ADGRL3: variants seen among roughly 807,000 people sequenced by gnomAD.
ADGRL3 encodes the protein adhesion G protein-coupled receptor L3, also known as calcium-independent alpha-latrotoxin receptor 3.
A neutral mutation model predicts 153.5 loss-of-function variants in ADGRL3; 62 were observed. The ratio of observed to expected loss-of-function variants is 0.40; its 90% CI spans 0.33 to 0.50. The LOEUF is 0.50. Among genes scored for constraint, ADGRL3 ranks in the 20% least tolerant of loss-of-function variants. ADGRL3 has a pLI of 0.47. For missense variants in ADGRL3, 1,641 were observed against 1,859.4 expected, an observed-to-expected ratio of 0.88 and a Z score of 2.16; for synonymous variants, 710 against 672.5, an observed-to-expected ratio of 1.06 and a Z score of -0.86.
intron 6 of ADGRL3, among the ~76,000 whole-genome samples, chr4:61,685,968 C>A (rs1010700604): frequency 1.3e-5 from 2 of 151,786 alleles, no homozygotes; most frequent in Non-Finnish European, 2.9e-5. Flanking sequence ...CACTTAGATA[C>A]TAATTAGTAA....
chr4:61,656,099 G>C (rs528794298), intron 5 of ADGRL3, among the ~76,000 whole-genome samples: 19 of 152,226 alleles, frequency 1.2e-4, no homozygotes, highest in African/African-American at 4.1e-4. Context: ...TGCTTACTTT[G>C]TTGCCAAAAG....
chr4:61,986,161 C>T (rs2099084940), intron 19 of ADGRL3, among the ~76,000 whole-genome samples: 1 of 152,046 alleles, frequency 6.6e-6, no homozygotes, highest in Admixed American at 6.6e-5. Flanking sequence ...GCAGTCATTT[C>T]ACCTAGATCA....
intron 5 of ADGRL3, among the ~76,000 whole-genome samples, chr4:61,635,627 A>G (rs1034188344): frequency 1.3e-5 from 2 of 152,102 alleles, no homozygotes; most frequent in East Asian, 3.9e-4. Flanking sequence ...TGGTGAACTG[A>G]ATTTACTTAA....
intron 7 of ADGRL3, among the ~76,000 whole-genome samples, chr4:61,730,876 A>C (rs1057059790): frequency 6.6e-6 from 1 of 151,822 alleles, no homozygotes; most frequent in Non-Finnish European, 1.5e-5. Flanking sequence ...TTTATTTTTG[A>C]GTAGTTAGAA....
At chr4:61,577,287 G>C (rs2098892632) in intron 4 of ADGRL3, among the ~76,000 whole-genome samples, 1 of 151,732 alleles carries the variant, frequency 6.6e-6, no homozygotes, top group South Asian at 2.1e-4. Context: ...AGCATGTATA[G>C]TGCAGTGAGG....
intron 1 of ADGRL3, among the ~76,000 whole-genome samples, chr4:61,245,434 T>C (rs1756673484): frequency 6.6e-6 from 1 of 152,102 alleles, no homozygotes; most frequent in Admixed American, 6.6e-5. Context: ...TATGAAGCTT[T>C]ATAGTCTGCC....
intron 5 of ADGRL3, among the ~76,000 whole-genome samples, chr4:61,607,019 G>C (rs2149611450): frequency 1.3e-5 from 2 of 152,266 alleles, no homozygotes; most frequent in Middle Eastern, 6.8e-3. Context: ...AGTAAAGAAA[G>C]AGTTAAATTA....
chr4:61,542,739 T>G, intron 4 of ADGRL3, among the ~76,000 whole-genome samples: 1 of 152,288 alleles, frequency 6.6e-6, no homozygotes, highest in East Asian at 1.9e-4. Context: ...AGAAAGAGAT[T>G]TTTGCATAAC....
At chr4:62,009,386 C>G (rs1430390939) in intron 21 of ADGRL3, among the ~76,000 whole-genome samples, 1 of 151,772 alleles carries the variant, frequency 6.6e-6, no homozygotes, top group Non-Finnish European at 1.5e-5. Context: ...ATTTAACTAT[C>G]TTTCTAAAAA....
At chr4:61,818,178 A>G (rs920061376) in intron 9 of ADGRL3, among the ~76,000 whole-genome samples, 1 of 152,186 alleles carries the variant, frequency 6.6e-6, no homozygotes, top group South Asian at 2.1e-4. Context: ...ACTAGATATA[A>G]TGGGGGTAGA....
chr4:61,633,223 G>A lies in ADGRL3; in HGVS notation c.474-43603G>A, dbSNP rs148891319. Among the ~76,000 whole-genome samples the A allele has an allele frequency of 0.015, 1,854 of 119,888 alleles. 147 individuals carry two copies. The East Asian group carries it at 0.23, about 15-fold the overall frequency. The allele number at this position is 119,888 out of a possible 152,430, so 78.7% of individuals were successfully genotyped here. On this transcript the variant is annotated intron_variant, in intron 5 of 26. Coordinates refer to ENST00000683033, the MANE Select transcript of ADGRL3 (RefSeq NM_001387552.1). ...TGTAACTTGATAAAACTGTACCTGCGTTGCAGTTTGGGGTTTTAAAGTGTG... is the reference window on the plus strand; with the variant it reads ...TGTAACTTGATAAAACTGTACCTGCATTGCAGTTTGGGGTTTTAAAGTGTG...
At chr4:61,734,409 T>G (rs2096482897) in intron 8 of ADGRL3, among the ~76,000 whole-genome samples, 1 of 152,146 alleles carries the variant, frequency 6.6e-6, no homozygotes, top group African/African-American at 2.4e-5. Context: ...CAGTTCCACA[T>G]GGCTAAGGAA....
chr4:61,620,160 T>C (rs2092397741), intron 5 of ADGRL3, among the ~76,000 whole-genome samples: 1 of 151,990 alleles, frequency 6.6e-6, no homozygotes, highest in Non-Finnish European at 1.5e-5. Context: ...CCAGTAAATA[T>C]AACAGATTAA....
intron 1 of ADGRL3, among the ~76,000 whole-genome samples, chr4:61,250,058 T>C (rs1012577163): frequency 3.9e-5 from 6 of 152,180 alleles, no homozygotes; most frequent in African/African-American, 1.4e-4. Flanking sequence ...TCTCCTTGCA[T>C]TGTCTCCCTT....
rs1341332272 is a variant in ADGRL3, at chr4:61,484,376, C to T, written c.-173-12745C>T. 3.9e-5 allele frequency among the ~76,000 whole-genome samples: 6 copies of T among 152,262 alleles called. No individual in the cohort carries two copies. The East Asian group carries it at 1.2e-3, about 29-fold the overall frequency. ...TCCTGGAAGTTGGAATGTCAATATC[C>T]CTACCTAATACTTTCCTTAGTTAGG... is the stretch of plus-strand genomic sequence containing the variant. On this transcript the variant is annotated intron_variant, in intron 2 of 26. Coordinates refer to ENST00000683033, the MANE Select transcript of ADGRL3 (RefSeq NM_001387552.1).
At chr4:61,626,704 G>A (rs1553986592) in intron 5 of ADGRL3, among the ~76,000 whole-genome samples, 1 of 151,998 alleles carries the variant, frequency 6.6e-6, no homozygotes, top group Non-Finnish European at 1.5e-5. Flanking sequence ...TGATATAGAC[G>A]TAAGTTCAGT....
chr4:61,658,032 T>C (rs2094490024), intron 5 of ADGRL3, among the ~76,000 whole-genome samples: 1 of 152,218 alleles, frequency 6.6e-6, no homozygotes, highest in African/African-American at 2.4e-5. Context: ...AACCAGTAAG[T>C]CATTTGTCAT....
chr4:61,538,851 G>C (rs193000029), intron 4 of ADGRL3, among the ~76,000 whole-genome samples: 1 of 152,300 alleles, frequency 6.6e-6, no homozygotes, highest in South Asian at 2.1e-4. Context: ...GACTGGGGGT[G>C]GCTGGGGAAG....
At chr4:61,658,326 A>G (rs2150521334) in intron 5 of ADGRL3, among the ~76,000 whole-genome samples, 1 of 152,296 alleles carries the variant, frequency 6.6e-6, no homozygotes, top group African/African-American at 2.4e-5. Context: ...CTGGATCAAA[A>G]GCAGTGAGAC....
Sources: allele counts gnomAD v4.1 joint callset (sites outside exome capture counted in the v4.1 genomes callset), GRCh38; gene constraint gnomAD v4.1.1; transcripts MANE v1.5; gene names NCBI Gene and HGNC (gene_info 2026-07-23, HGNC 2026-07-21).